The following ABCB1 variants were observed in gnomAD, a reference collection of about 807,000 sequenced individuals.
ABCB1 encodes ATP-dependent translocase ABCB1.
A neutral mutation model predicts 142.0 loss-of-function variants in ABCB1; 69 were observed. The ratio of observed to expected loss-of-function variants is 0.49; its 90% CI spans 0.40 to 0.59. ABCB1 has a LOEUF of 0.59. Among genes scored for constraint, ABCB1 ranks in the 20% least tolerant of loss-of-function variants. ABCB1 has a pLI of 0.00. For synonymous variants in ABCB1, 532 were observed against 539.2 expected (o/e 0.99, Z 0.18); for missense variants, 1,326 against 1,554.7 (o/e 0.85, Z 2.47).
In ABCB1 at chr7:87,517,005, G is replaced by C. The variant is rs533884769; in HGVS notation, c.2928-340C>G. On this transcript the variant is annotated intron_variant, in intron 23 of 27. Transcript: ENST00000622132. ...TCCTGCTTCAGCCTCCAAAAGTGCC[G>C]GGATTATAGGTGTGAGCCACCATGC... Among the ~76,000 whole-genome samples the C allele has an allele frequency of 1.6e-4, 25 of 152,106 alleles. No homozygotes were observed. In the South Asian group the frequency reaches 5.0e-3, roughly 30 times the overall value.
rs1423304336 is a variant in ABCB1 at position 87,600,208 on chromosome 7, C to G, written c.-6-18G>C. The G allele has an allele frequency of 6.2e-7, 1 of 1,610,288 alleles. No individual in the cohort carries two copies. The highest frequency in any genetic ancestry group is 8.5e-7 in the Non-Finnish European group (1 of 1,176,696). On this transcript the variant is annotated intron_variant, in intron 1 of 27. Coordinates refer to ENST00000622132, the MANE Select transcript of ABCB1 (RefSeq NM_001348946.2). ...ATTCCGACCTGAAGAGAAACCGCAGCTCATTAGCCAAATGCATGAGCCTCA... is the reference window on the plus strand; with the variant it reads ...ATTCCGACCTGAAGAGAAACCGCAGGTCATTAGCCAAATGCATGAGCCTCA...
At chr7:87,564,472 C>T (rs543068697) in intron 7 of ABCB1, among the ~76,000 whole-genome samples, 1 of 152,048 alleles carries the variant, frequency 6.6e-6, no homozygotes, top group Non-Finnish European at 1.5e-5. Context: ...TGTCTCTGGG[C>T]GCTGGGAAGA....
chr7:87,668,009 T>A (rs775050945), intron 1 of ABCB1, among the ~76,000 whole-genome samples: 2 of 151,944 alleles, frequency 1.3e-5, no homozygotes, highest in Non-Finnish European at 2.9e-5. Context: ...GAGAATGAGG[T>A]GGGGAGGAGT....
intron 1 of ABCB1, among the ~76,000 whole-genome samples, chr7:87,647,294 T>C (rs1317706465): frequency 6.6e-6 from 1 of 152,004 alleles, no homozygotes; most frequent in African/African-American, 2.4e-5. Flanking sequence ...ATTTCCATTC[T>C]CTTTTGTTGT....
intron 21 of ABCB1, among the ~76,000 whole-genome samples, chr7:87,528,869 G>T (rs6959435): frequency 0.67 from 101,432 of 152,060 alleles, 35,810 homozygotes; most frequent in African/African-American, 0.92. Flanking sequence ...CAAGAGAAGA[G>T]CAGAGGCAAT....
chr7:87,573,533 G>C (rs937014327), intron 4 of ABCB1, among the ~76,000 whole-genome samples: 1 of 152,062 alleles, frequency 6.6e-6, no homozygotes. Context: ...CAAGACTACT[G>C]TAACTAATCT....
intron 1 of ABCB1, among the ~76,000 whole-genome samples, chr7:87,632,112 CAAA>C (rs201197232): frequency 7.4e-6 from 1 of 134,996 alleles, no homozygotes; most frequent in Non-Finnish European, 1.6e-5. Context: ...TTTACAAAAC[CAAA>C]AAAAAAAAAA....
At position 87,511,120 on chromosome 7, in the gene ABCB1, C is replaced by T. The variant is rs957507522; in HGVS notation, c.3283-1639G>A. Among the ~76,000 whole-genome samples, 43 of 152,178 alleles carry T rather than the reference C, an allele frequency of 2.8e-4. 2 individuals carry two copies. The highest frequency in any genetic ancestry group is 1.0e-4 in the Non-Finnish European group (7 of 68,030). On this transcript the variant is annotated intron_variant, in intron 25 of 27. Transcript: ENST00000622132. Reference sequence around the variant, plus strand: ...CACTGAATACACTCTTGGGCCTCCTCGTCCCCGCATAATACCCTAGAATTG... The same window carrying T: ...CACTGAATACACTCTTGGGCCTCCTTGTCCCCGCATAATACCCTAGAATTG...
intron 1 of ABCB1, among the ~76,000 whole-genome samples, chr7:87,703,885 C>CTGTTTTTTTTTGTTTTTTT (rs1829308130): frequency 1.7e-5 from 1 of 60,282 alleles, no homozygotes; most frequent in Non-Finnish European, 3.2e-5. Flanking sequence ...TCAGTTTTTT[C>CTGTTTTTTTTTGTTTTTTT]TTTTTTTTTT....
intron 1 of ABCB1, among the ~76,000 whole-genome samples, chr7:87,621,808 A>T (rs1732703609): frequency 6.6e-6 from 1 of 152,104 alleles, no homozygotes; most frequent in Middle Eastern, 3.2e-3. Flanking sequence ...TGAAACATTA[A>T]TGTTAGCTGT....
Position 87,627,817 on chromosome 7 carries a change from G to A in ABCB1, c.-330-26739C>T, listed in dbSNP as rs537278551. ...ACTGGCACCACGCTCCTCCTTAGGCGGGCCGTCAGTCCCGGGTGCGGGCTG... is the reference window on the plus strand; with the variant it reads ...ACTGGCACCACGCTCCTCCTTAGGCAGGCCGTCAGTCCCGGGTGCGGGCTG... On this transcript the variant is annotated intron_variant, in intron 1 of 28. Coordinates refer to the ABCB1 transcript ENST00000265724. 66 of 152,492 alleles carry A rather than the reference G, an allele frequency of 4.3e-4. 1 individual carries two copies. The highest frequency in any genetic ancestry group is 1.5e-3 in the African/African-American group (64 of 41,594). 9.4% of individuals were successfully genotyped at this position (152,492 alleles called of 1,614,324 possible).
chr7:87,589,131 A>G (rs1190369521), intron 3 of ABCB1, among the ~76,000 whole-genome samples: 1 of 152,226 alleles, frequency 6.6e-6, no homozygotes. Context: ...AATGCTGAGT[A>G]GGACAAAAGC....
chr7:87,640,503 C>A (rs2188522), intron 1 of ABCB1, among the ~76,000 whole-genome samples: 4,720 of 151,982 alleles, frequency 0.031, 73 homozygotes, highest in Middle Eastern at 0.048. Flanking sequence ...ACCACCACAC[C>A]CAGCTAATTT....
chr7:87,702,857 C>T (rs773240548), intron 1 of ABCB1, among the ~76,000 whole-genome samples: 6 of 152,038 alleles, frequency 3.9e-5, no homozygotes, highest in Non-Finnish European at 7.4e-5. Flanking sequence ...TCAGAAAATA[C>T]TCAAAATCTG....
At chr7:87,626,092 A>G (rs1584931557) in intron 1 of ABCB1, among the ~76,000 whole-genome samples, 1 of 120,798 alleles carries the variant, frequency 8.3e-6, no homozygotes, top group Non-Finnish European at 1.7e-5. Context: ...ATATATATAT[A>G]TATATATTGT....
chr7:87,582,680 A>C (rs1818562174), intron 4 of ABCB1, among the ~76,000 whole-genome samples: 1 of 152,248 alleles, frequency 6.6e-6, no homozygotes, highest in African/African-American at 2.4e-5. Flanking sequence ...GTGGCATAGA[A>C]GCAGCCATAG....
At chr7:87,628,585 GT>G (rs1402464955) in intron 1 of ABCB1, 7 of 5,454 alleles carry the variant, frequency 1.3e-3, no homozygotes, top group Non-Finnish European at 1.0e-3. Flanking sequence ...GCGTGCGTGC[GT>G]GTGTGTGTGT....
At chr7:87,648,007 A>T (rs917541276) in intron 1 of ABCB1, among the ~76,000 whole-genome samples, 1 of 150,998 alleles carries the variant, frequency 6.6e-6, no homozygotes, top group Non-Finnish European at 1.5e-5. Flanking sequence ...ACATGGTGAA[A>T]CCCCGCCTCT....
intron 1 of ABCB1, among the ~76,000 whole-genome samples, chr7:87,648,379 G>A (rs1823238991): frequency 6.6e-6 from 1 of 152,010 alleles, no homozygotes; most frequent in Non-Finnish European, 1.5e-5. Context: ...GAGGAAAGTG[G>A]TTGCAACAGA....
Sources: gnomAD v4.1 joint callset for allele counts (sites outside exome capture counted in the v4.1 genomes callset) on GRCh38, gnomAD v4.1.1 for gene constraint, MANE v1.5 for transcripts, NCBI Gene and HGNC (gene_info 2026-07-23, HGNC 2026-07-21) for gene names.